The following HGFAC variants were observed in gnomAD, a reference collection of about 807,000 sequenced individuals.
HGFAC encodes HGF activator.
HGFAC carries 76 observed loss-of-function variants against 70.6 expected under a neutral mutation model. The ratio of observed to expected loss-of-function variants is 1.08; its 90% CI spans 0.89 to 1.30. The LOEUF is 1.30. Ranked by LOEUF, HGFAC falls within the 50% of genes most tolerant of loss-of-function variation. The probability of loss-of-function intolerance (pLI) is 0.00; values close to 1 mark genes in which losing one functional copy is unlikely to be tolerated. For synonymous variants in HGFAC, 464 were observed against 405.3 expected, an observed-to-expected ratio of 1.14 and a Z score of -1.74; for missense variants, 1,044 against 933.7, an observed-to-expected ratio of 1.12 and a Z score of -1.54.
At chr4:3,444,584 T>C (rs775910259) in intron 6 of HGFAC, 39 bp from the exon 7 acceptor site, 2 of 1,541,608 alleles carry the variant, frequency 1.3e-6, no homozygotes, top group South Asian at 2.4e-5. Context: ...CGTGGGGCAC[T>C]GCGCGGCCCC....
intron 10 of HGFAC, among the ~76,000 whole-genome samples, chr4:3,446,914 G>A (rs926590338): frequency 1.3e-5 from 2 of 152,322 alleles, no homozygotes; most frequent in Admixed American, 6.5e-5. Context: ...GGGGTCCTGC[G>A]TGGCCCTGCA....
Position 3,444,082 on chromosome 4 carries a change from C to T in HGFAC, c.519C>T (p.Gly173=), listed in dbSNP as rs200445557. The T allele has an allele frequency of 5.0e-6, 8 of 1,611,848 alleles. No individual in the cohort carries two copies. The highest frequency in any genetic ancestry group is 3.3e-4 in the Middle Eastern group (2 of 6,028). The stretch of plus-strand genomic sequence containing the variant: ...CCTCCGGCCCCTGCCTCAATGGAGG[C>T]TCCTGCTCCAATACCCAGGACCCCC... ...PCASGPCLNG[G]SCSNTQDPQS... is the part of the protein sequence containing the mutation. Residue 173 remains glycine (G), a synonymous_variant, in exon 5 of 14, where the codon GGC becomes GGT. Transcript: ENST00000382774.
At chr4:3,441,850 TGGGGGCCA>T, upstream of HGFAC, 1 of 520,382 alleles carries the variant, frequency 1.9e-6, no homozygotes, top group Non-Finnish European at 3.3e-6. The surrounding 1 kb of genome is among the most constrained non-coding windows in gnomAD (Gnocchi z 6.0). Context: ...GCAGCAGGTG[TGGGGGCCA>T]GGGGACTCGG....
At chr4:3,446,945 C>T (rs1359941679) in intron 10 of HGFAC, among the ~76,000 whole-genome samples, 1 of 152,200 alleles carries the variant, frequency 6.6e-6, no homozygotes, top group African/African-American at 2.4e-5. Context: ...CCGGCGGCTC[C>T]TGGGCCTGCA....
intron 10 of HGFAC, 53 bp from the exon 11 acceptor site, chr4:3,447,439 C>T (rs1725547911): frequency 1.2e-6 from 2 of 1,600,740 alleles, no homozygotes; most frequent in African/African-American, 1.3e-5. Flanking sequence ...GAGAGGTGAG[C>T]CCGGTGGCTG....
chr4:3,441,858 A>G, upstream of HGFAC: 1 of 527,684 alleles, frequency 1.9e-6, no homozygotes, highest in South Asian at 2.8e-5. This position sits in a 1 kb window ranked among gnomAD's most constrained non-coding sequence, Gnocchi z 6.0. Context: ...TGTGGGGGCC[A>G]GGGGACTCGG....
chr4:3,441,199 G>A (rs1022814621), upstream of HGFAC, among the ~76,000 whole-genome samples: 2 of 152,224 alleles, frequency 1.3e-5, no homozygotes, highest in African/African-American at 4.8e-5. This position sits in a 1 kb window ranked among gnomAD's most constrained non-coding sequence, Gnocchi z 6.0. Flanking sequence ...CTGGCCCAGG[G>A]TTGTGCTGCC....
rs1432061668 is a variant in HGFAC, at chr4:3,445,316, G to A, written c.1068G>A (p.Ala356=). Residue 356 remains alanine, a synonymous_variant, in exon 9 of 14, where the codon GCG becomes GCA. Transcript: ENST00000382774. The stretch of plus-strand genomic sequence containing the variant: ...GGTGCTACGTGGTGAAGGACAGCGC[G>A]CTCTCCTGGGAGTACTGCCGCCTGG... ...RPWCYVVKDS[A]LSWEYCRLEA... 6.3e-6 allele frequency: 10 copies of A among 1,587,772 alleles called. No individual in the cohort carries two copies. The highest frequency in any genetic ancestry group is 1.7e-4 in the Middle Eastern group (1 of 6,004).
At position 3,442,788 on chromosome 4, in the gene HGFAC, C is replaced by A. The variant is rs1203603589; in HGVS notation, c.174C>A (p.Ile58=). The A allele has an allele frequency of 1.9e-6, 3 of 1,578,204 alleles. No homozygotes were observed. The highest frequency in any genetic ancestry group is 2.6e-6 in the Non-Finnish European group (3 of 1,164,978). Residue 58 remains isoleucine, a synonymous_variant, in exon 2 of 14, where the codon ATC becomes ATA. Transcript: ENST00000382774. ...CAGCGACCCCTGCGATCCCCACTAT[C>A]CTGGTGACCTCTGTGACCTCTGAGA... is the stretch of plus-strand genomic sequence containing the variant. ...NATATPAIPT[I]LVTSVTSETP...
At position 3,447,996 on chromosome 4, in the gene HGFAC, C is replaced by A; in HGVS notation, c.1597C>A (p.His533Asn). 1 of 1,575,054 alleles carries A rather than the reference C, an allele frequency of 6.3e-7. No individual in the cohort carries two copies. ...PEPGSTFPAG[H>N]KCQIAGWGHL... ...GCCCGGCAGCACCTTCCCCGCAGGA[C>A]ACAAGTGCCAGATTGCGGGCTGGGG... The change falls in exon 12 of 14, where the codon CAC becomes AAC. Residue 533 changes from histidine to asparagine, a missense_variant. By Grantham distance (68) the His-to-Asn change is moderately conservative (BLOSUM62 1). Coordinates refer to ENST00000382774, the MANE Select transcript of HGFAC (RefSeq NM_001528.4).
Position 3,442,036 on chromosome 4 carries a change from C to T in HGFAC, c.35C>T (p.Pro12Leu), listed in dbSNP as rs758735857. The change falls in exon 1 of 14, where the codon CCC becomes CTC. Residue 12 changes from proline (P) to leucine (L), a missense_variant. Pro to Leu is a moderately conservative substitution (Grantham distance 98). Transcript: ENST00000382774. ...TGGGCCTGGGTCCCCAGCCCCTGGC[C>T]CCCACCGGGGCTGGGCCCCTTCCTC... ...GRWAWVPSPWPPPGLGPFLLL... is the reference protein window; with the variant it reads ...GRWAWVPSPWLPPGLGPFLLL... 1.3e-6 allele frequency: 2 copies of T among 1,526,112 alleles called. No homozygotes were observed. The highest frequency in any genetic ancestry group is 2.5e-5 in the East Asian group (1 of 39,568). 94.5% of individuals were successfully genotyped at this position (1,526,112 alleles called of 1,614,324 possible). A position where few individuals can be genotyped will look rare whatever the true frequency, so the allele number is the denominator to read the frequency against.
At chr4:3,444,510 G>A in intron 6 of HGFAC, 68 bp downstream of exon 6, 1 of 1,520,054 alleles carries the variant, frequency 6.6e-7, no homozygotes, top group Admixed American at 2.0e-5. Flanking sequence ...CCGAGTGGGA[G>A]GAATGGCCTG....
chr4:3,448,395 A>C, intron 13 of HGFAC, 119 bp downstream of exon 13: 1 of 1,239,568 alleles, frequency 8.1e-7, no homozygotes, highest in Non-Finnish European at 1.1e-6. Flanking sequence ...TGGCAGGGCC[A>C]GCCAGGGACC....
chr4:3,448,454 C>T (rs1391144429), intron 13 of HGFAC, among the ~76,000 whole-genome samples, 178 bp downstream of exon 13: 2 of 152,144 alleles, frequency 1.3e-5, no homozygotes, highest in Non-Finnish European at 2.9e-5. Flanking sequence ...CCCAGGGCCA[C>T]CCAGAGCCCT....
chr4:3,441,950 C>T (rs1056764596), upstream of HGFAC: 2 of 1,095,614 alleles, frequency 1.8e-6, no homozygotes, highest in Non-Finnish European at 2.5e-6. This position sits in a 1 kb window ranked among gnomAD's most constrained non-coding sequence, Gnocchi z 6.0. Context: ...CCCCACCTGC[C>T]TTGGCCGCTC....
intron 11 of HGFAC, 43 bp downstream of exon 11, chr4:3,447,674 C>T: frequency 1.9e-6 from 3 of 1,608,092 alleles, no homozygotes; most frequent in African/African-American, 1.3e-5. Flanking sequence ...GCAGGTGGGC[C>T]CTGTGCTCCC....
At chr4:3,442,600 G>A (rs1725350868) in intron 1 of HGFAC, 132 bp from the exon 2 acceptor site, 2 of 578,632 alleles carry the variant, frequency 3.5e-6, no homozygotes, top group East Asian at 3.1e-5. Context: ...GGAATGTCGT[G>A]TGTCCTCCTG....
intron 10 of HGFAC, 146 bp downstream of exon 10, chr4:3,446,440 CCCT>C (rs1725518798): frequency 9.9e-7 from 1 of 1,006,486 alleles, no homozygotes; most frequent in South Asian, 1.7e-5. Flanking sequence ...CCTCTCTGAC[CCCT>C]CTGGGTCTTG....
At chr4:3,443,927 C>T (rs1725398143) in intron 4 of HGFAC, 112 bp from the exon 5 acceptor site, 1 of 1,220,998 alleles carries the variant, frequency 8.2e-7, no homozygotes, top group East Asian at 2.5e-5. Flanking sequence ...GGCCCCTTTG[C>T]TCTCAGAGCC....
Sources: gnomAD v4.1 joint callset for allele counts (sites outside exome capture counted in the v4.1 genomes callset) on GRCh38, gnomAD v4.1.1 for gene constraint, Gnocchi (gnomAD v3.1) non-coding constraint, MANE v1.5 for transcripts, NCBI Gene and HGNC (gene_info 2026-07-23, HGNC 2026-07-21) for gene names.